The following NBPF20 variants were observed in gnomAD, a reference collection of about 807,000 sequenced individuals.
NBPF20 encodes NBPF member 20, also known as NBPF family member NBPF20.
In NBPF20, 90 loss-of-function variants were observed where a neutral mutation model predicts 68.1. The ratio of observed to expected loss-of-function variants is 1.32; its 90% CI spans 1.11 to 1.58. NBPF20 has a LOEUF of 1.58. NBPF20 is among the 40% of genes most tolerant of loss of function. The pLI is 0.00. For missense variants in NBPF20, 816 were observed against 601.2 expected (o/e 1.36, Z -3.74); for synonymous variants, 290 against 228.1 (o/e 1.27, Z -2.45).
At chr1:145,292,555 G>C in intron 136 of NBPF20, 66 bp from the exon 142 acceptor site, 5 of 716,686 alleles carry the variant, frequency 7.0e-6, no homozygotes, top group Admixed American at 2.1e-5. Context: ...ACAATCCACT[G>C]TCTAATCCTC....
the NBPF20 span, among the ~76,000 whole-genome samples, chr1:145,413,242 T>TTGGGAAAAAA: frequency 5.3e-5 from 8 of 151,148 alleles, no homozygotes; most frequent in Admixed American, 5.3e-4. Context: ...TATAAACACT[T>TTGGGAAAAAA]TGGGAAAAAA....
At chr1:145,396,791 T>G (rs1662267876) in intron 7 of NBPF20, among the ~76,000 whole-genome samples, 1 of 149,846 alleles carries the variant, frequency 6.7e-6, no homozygotes, top group Admixed American at 6.7e-5. Flanking sequence ...TATAATACTT[T>G]AAGTCTTAGG....
intron 9 of NBPF20, among the ~76,000 whole-genome samples, chr1:145,393,545 A>C (rs1255400544): frequency 6.6e-6 from 1 of 151,894 alleles, no homozygotes; most frequent in Non-Finnish European, 1.5e-5. Context: ...GTCAAAGGAC[A>C]CTCTGTATTT....
chr1:145,408,432 C>T (rs1409422285), upstream of NBPF20, among the ~76,000 whole-genome samples: 3 of 151,958 alleles, frequency 2.0e-5, no homozygotes, highest in African/African-American at 7.2e-5. Flanking sequence ...AATAACTGTA[C>T]ATATGTGGGC....
At chr1:145,309,477 C>A (rs1337509971) in intron 115 of NBPF20, among the ~76,000 whole-genome samples, 2 of 74,554 alleles carry the variant, frequency 2.7e-5, no homozygotes, top group African/African-American at 1.4e-4. Flanking sequence ...CACACACACA[C>A]ACAGACACAC....
chr1:145,412,280 TA>T, the NBPF20 span, among the ~76,000 whole-genome samples: 6 of 152,038 alleles, frequency 3.9e-5, 1 homozygote, highest in Admixed American at 6.6e-5. Context: ...GCATGTATCC[TA>T]AGGCGTCCAG....
rs1313328232 is a variant in NBPF20, at chr1:145,404,992, A to G, written c.175+106T>C. On this transcript the variant is annotated intron_variant, in intron 2 of 137. Transcript: ENST00000369373. Reference sequence around the variant, plus strand: ...TTAAAATACCCATTTCTGTTTTCCTACAAGTACAAGAAGGATGAAATTATT... The same window carrying G: ...TTAAAATACCCATTTCTGTTTTCCTGCAAGTACAAGAAGGATGAAATTATT... 1.3e-5 allele frequency: 19 copies of G among 1,482,520 alleles called. No homozygotes were observed. The East Asian group carries it at 3.8e-4, about 30-fold the overall frequency. The allele number at this position is 1,482,520 out of a possible 1,614,324, so 91.8% of individuals were successfully genotyped here.
At chr1:145,292,050 ACT>A (rs782521707) in intron 137 of NBPF20, among the ~76,000 whole-genome samples, 1 of 149,386 alleles carries the variant, frequency 6.7e-6, no homozygotes, top group Non-Finnish European at 1.5e-5. Context: ...GTCAAAGGAC[ACT>A]CTGAGTTAGT....
chr1:145,400,446 T>G (rs1553665010), exon 6 of NBPF20: 3 of 1,612,530 alleles, frequency 1.9e-6, no homozygotes, highest in Non-Finnish European at 2.5e-6. Flanking sequence ...CCAATCAGAG[T>G]TGAGTCGACT....
Position 145,405,098 on chromosome 1 carries a change from T to A in NBPF20, c.175A>T (p.Lys59Ter). ...ATGATGGTGAGCCTATAGATCTTAC[T>A]GTATTTCTTCTGCTGGTTGGCCAGG... The change falls in exon 2 of 138, where the codon AAA becomes TAA. Residue 59 changes from lysine to a stop codon, truncating the protein, a stop_gained and splice_region_variant. Coordinates refer to ENST00000369373, the Ensembl canonical transcript of NBPF20. LOFTEE classifies it high-confidence loss of function. The A allele has an allele frequency of 1.2e-6, 2 of 1,613,514 alleles. No individual in the cohort carries two copies. Among genetic ancestry groups the A allele is most frequent in the Non-Finnish European group, 1.7e-6 (2 of 1,179,902 alleles).
At chr1:145,291,603 C>G (rs113737426) in exon 138 of NBPF20, 32 of 1,611,812 alleles carry the variant, frequency 2.0e-5, no homozygotes, top group Non-Finnish European at 2.7e-5. Context: ...CTATTGTCCA[C>G]GTAAAGGGCG....
At chr1:145,292,510 G>C (rs782793466) in intron 136 of NBPF20, 21 bp from the exon 142 acceptor site, 2 of 698,328 alleles carry the variant, frequency 2.9e-6, no homozygotes, top group African/African-American at 2.1e-5. Flanking sequence ...TTCAGACATG[G>C]ACAGACACAT....
upstream of NBPF20, among the ~76,000 whole-genome samples, chr1:145,410,139 A>G (rs1359194417): frequency 6.6e-6 from 1 of 151,936 alleles, no homozygotes; most frequent in Admixed American, 6.6e-5. Flanking sequence ...TTTCATTCCT[A>G]CAAGTATAAG....
At chr1:145,405,335 T>C (rs1192389186) in intron 1 of NBPF20, 28 bp from the exon 7 acceptor site, 9 of 1,505,156 alleles carry the variant, frequency 6.0e-6, no homozygotes, top group South Asian at 2.3e-5. Flanking sequence ...AAACATATGA[T>C]GGGTTAAAAA....
In NBPF20 at chr1:145,393,898, C is replaced by G; in HGVS notation, c.1029G>C (p.Glu343Asp). The G allele has an allele frequency of 2.0e-6, 3 of 1,537,708 alleles. No homozygotes were observed. In the South Asian group the frequency reaches 3.3e-5, roughly 17 times the overall value. Residue 343 changes from glutamate (E) to aspartate (D), a missense_variant, in exon 9 of 138, where the codon GAG becomes GAC. Transcript: ENST00000369373. ...CTCAGACTCACCTGGGACCTGTTGC[C>G]TCTTGGTCCTCCTTTTTCACTTGAT...
At chr1:145,412,313 T>C in the NBPF20 span, among the ~76,000 whole-genome samples, 1 of 152,090 alleles carries the variant, frequency 6.6e-6, no homozygotes, top group African/African-American at 2.4e-5. Flanking sequence ...TTGTCTACTG[T>C]GTCCAGACAT....
intron 115 of NBPF20, among the ~76,000 whole-genome samples, chr1:145,309,467 C>A (rs1317242462): frequency 1.4e-5 from 1 of 68,968 alleles, no homozygotes. Flanking sequence ...CACACACACA[C>A]ACACACACAC....
At chr1:145,404,599 G>A (rs1662682138) in intron 2 of NBPF20, among the ~76,000 whole-genome samples, 1 of 152,130 alleles carries the variant, frequency 6.6e-6, no homozygotes, top group African/African-American at 2.4e-5. Flanking sequence ...GATAGCACAG[G>A]TTCTATTAGG....
Position 145,377,943 on chromosome 1 carries a change from T to G in NBPF20, c.3464+100A>C, listed in dbSNP as rs1489801278. The G allele has an allele frequency of 1.5e-5, 6 of 402,788 alleles. No individual in the cohort carries two copies. The East Asian group carries it at 3.2e-4, about 22-fold the overall frequency. The allele number at this position is 402,788 out of a possible 1,614,324, so 25.0% of individuals were successfully genotyped here. A position where few individuals can be genotyped will look rare whatever the true frequency, so the allele number is the denominator to read the frequency against. ...CAATGTCAGGAGGAGTAATTCAACCTTCGTTGAAAACATGAAATTGAACAC... is the reference window on the plus strand; with the variant it reads ...CAATGTCAGGAGGAGTAATTCAACCGTCGTTGAAAACATGAAATTGAACAC... On this transcript the variant is annotated intron_variant, in intron 29 of 137. Transcript: ENST00000369373.
Sources: gnomAD v4.1 joint callset for allele counts (sites outside exome capture counted in the v4.1 genomes callset) on GRCh38, gnomAD v4.1.1 for gene constraint, MANE v1.5 for transcripts, NCBI Gene and HGNC (gene_info 2026-07-23, HGNC 2026-07-21) for gene names.